The following PCDHGA9 variants were observed in gnomAD, a reference collection of about 807,000 sequenced individuals.
The protein encoded by PCDHGA9 is protocadherin gamma-A9.
In PCDHGA9, 37 loss-of-function variants were observed where a neutral mutation model predicts 62.5. The observed-to-expected ratio is 0.59, with a 90% confidence interval of 0.46 to 0.78. The LOEUF (loss-of-function observed/expected upper bound fraction) is 0.78. Ranked by LOEUF, PCDHGA9 falls within the 30% of genes least tolerant of loss-of-function variation. PCDHGA9 has a pLI of 0.00. For synonymous variants in PCDHGA9, 459 were observed against 484.6 expected (o/e 0.95, Z 0.69); for missense variants, 1,138 against 1,166.2 (o/e 0.98, Z 0.35).
In PCDHGA9 at chr5:141,423,305, A is replaced by G. The variant is rs746680027; in HGVS notation, c.2424+17929A>G. On this transcript the variant is annotated intron_variant, in intron 1 of 3. Coordinates refer to ENST00000573521, the MANE Select transcript of PCDHGA9 (RefSeq NM_018921.3). Reference sequence around the variant, plus strand: ...TCTGAAACCTCAGACCTCTCGCTGTACTTGGTGGTGGCGGTGGCCGCAGTC... The same window carrying G: ...TCTGAAACCTCAGACCTCTCGCTGTGCTTGGTGGTGGCGGTGGCCGCAGTC... 23 of 1,613,944 alleles carry G rather than the reference A, an allele frequency of 1.4e-5. No individual in the cohort carries two copies. Among genetic ancestry groups the G allele is most frequent in the Non-Finnish European group, 1.9e-5 (22 of 1,180,004 alleles).
rs1001719735 is a variant in PCDHGA9 at position 141,512,055 on chromosome 5, TGAC to T, written c.*883_*885del. 10 of 152,698 alleles carry T rather than the reference TGAC, an allele frequency of 6.5e-5. No homozygotes were observed. The highest frequency in any genetic ancestry group is 1.4e-4 in the African/African-American group (6 of 41,450). 9.5% of individuals were successfully genotyped at this position (152,698 alleles called of 1,614,324 possible). On this transcript the variant is annotated 3_prime_UTR_variant, in exon 4 of 4. Coordinates refer to ENST00000573521, the MANE Select transcript of PCDHGA9 (RefSeq NM_018921.3). ...GAGGCTCTGTATGTCCTCAGGGGACTGACAACATCCTCCAGATTCCAGCCATAA... is the reference window on the plus strand; with the variant it reads ...GAGGCTCTGTATGTCCTCAGGGGACTAACATCCTCCAGATTCCAGCCATAA...
intron 1 of PCDHGA9, among the ~76,000 whole-genome samples, chr5:141,473,246 A>G (rs1045740920): frequency 7.2e-5 from 11 of 152,224 alleles, no homozygotes; most frequent in Admixed American, 4.6e-4. Context: ...AAGTGAATAC[A>G]TATATAGTCC....
rs746242389 is a variant in PCDHGA9 at position 141,491,254 on chromosome 5, G to C, written c.2425-3553G>C. 3 of 1,614,080 alleles carry C rather than the reference G, an allele frequency of 1.9e-6. No individual in the cohort carries two copies. In the African/African-American group the frequency reaches 4.0e-5, roughly 22 times the overall value. On this transcript the variant is annotated intron_variant, in intron 1 of 3. Transcript: ENST00000573521. This position sits in a 1 kb window ranked among gnomAD's most constrained non-coding sequence, Gnocchi z 6.9. ...GCTGGTTCTGGAGGATGAGGACCCT[G>C]AGGAAATGCCCAAATCCAGTGACTT...
intron 3 of PCDHGA9, among the ~76,000 whole-genome samples, chr5:141,506,861 G>A (rs2099856791): frequency 6.6e-6 from 1 of 152,178 alleles, no homozygotes; most frequent in African/African-American, 2.4e-5. Context: ...TGGAGGACTG[G>A]TGGGTAGAGA....
In PCDHGA9 at chr5:141,404,621, G is replaced by T; in HGVS notation, c.1669G>T (p.Asp557Tyr). The part of the protein sequence containing the change: ...SLRLFVLDQN[D>Y]NAPEILYPAL... ...GAGACTGTTTGTTTTGGACCAGAAT[G>T]ACAATGCCCCAGAAATCCTGTACCC... Residue 557 changes from aspartate (D) to tyrosine (Y), a missense_variant, in exon 1 of 4, where the codon GAC becomes TAC. Transcript: ENST00000573521. 6.2e-7 allele frequency: 1 copy of T among 1,614,174 alleles called. No homozygotes were observed. Among genetic ancestry groups the T allele is most frequent in the South Asian group, 1.1e-5 (1 of 91,084 alleles).
At chr5:141,478,345 C>T (rs755421316) in intron 1 of PCDHGA9, 3 of 1,613,850 alleles carry the variant, frequency 1.9e-6, no homozygotes, top group East Asian at 4.5e-5. Context: ...CCTCCTTGCA[C>T]GCGGACGCCG....
rs758205179 is a variant in PCDHGA9 at position 141,477,813 on chromosome 5, A to G, written c.2425-16994A>G. ...ACTGATCGCAATGACAATGCCCCCC[A>G]GGTCCTATATCCTCGGCCAGGTGGG... On this transcript the variant is annotated intron_variant, in intron 1 of 3. Transcript: ENST00000573521. This position sits in a 1 kb window ranked among gnomAD's most constrained non-coding sequence, Gnocchi z 4.9. The G allele has an allele frequency of 8.1e-6, 13 of 1,614,002 alleles. No homozygotes were observed. The East Asian group carries it at 2.7e-4, about 33-fold the overall frequency.
At chr5:141,457,791 A>G (rs554446263) in intron 1 of PCDHGA9, among the ~76,000 whole-genome samples, 1 of 152,318 alleles carries the variant, frequency 6.6e-6, no homozygotes, top group South Asian at 2.1e-4. Flanking sequence ...GAGTTGGGTT[A>G]TCCTCTCCTC....
At chr5:141,423,006 T>G (rs746057587) in intron 1 of PCDHGA9, 12 of 1,614,078 alleles carry the variant, frequency 7.4e-6, no homozygotes, top group African/African-American at 1.3e-5. Context: ...CCAAGGTGGT[T>G]GCGGTGGACA....
chr5:141,430,048 A>G (rs2097258677), intron 1 of PCDHGA9, among the ~76,000 whole-genome samples: 1 of 152,222 alleles, frequency 6.6e-6, no homozygotes, highest in African/African-American at 2.4e-5. Flanking sequence ...AATGTATACA[A>G]TCACATATCA....
At chr5:141,499,726 ACT>A (rs1368224475) in intron 2 of PCDHGA9, among the ~76,000 whole-genome samples, 1 of 128,608 alleles carries the variant, frequency 7.8e-6, no homozygotes, top group African/African-American at 3.0e-5. Flanking sequence ...ACAGAGTCTC[ACT>A]CTCTTGCCCA....
In PCDHGA9 at chr5:141,476,978, C is replaced by G; in HGVS notation, c.2425-17829C>G. 1.2e-6 allele frequency: 2 copies of G among 1,614,256 alleles called. No individual in the cohort carries two copies. Among genetic ancestry groups the G allele is most frequent in the Non-Finnish European group, 1.7e-6 (2 of 1,180,058 alleles). Reference sequence around the variant, plus strand: ...TATTTACTCCTTCGGCAGCCACAACCGCGCCGGCGTGCGGCAACTATTCGC... The same window carrying G: ...TATTTACTCCTTCGGCAGCCACAACGGCGCCGGCGTGCGGCAACTATTCGC... On this transcript the variant is annotated intron_variant, in intron 1 of 3. Transcript: ENST00000573521. This position sits in a 1 kb window ranked among gnomAD's most constrained non-coding sequence, Gnocchi z 7.6.
chr5:141,489,804 G>A lies in PCDHGA9; in HGVS notation c.2425-5003G>A, dbSNP rs2099692572. 1 of 1,614,056 alleles carries A rather than the reference G, an allele frequency of 6.2e-7. No homozygotes were observed. The highest frequency in any genetic ancestry group is 1.3e-5 in the African/African-American group (1 of 74,932). ...TGAATGTGAAGACCCTAAAAGATGG[G>A]AAGCCATTCCCAGAGCTGGTGCTAG... On this transcript the variant is annotated intron_variant, in intron 1 of 3. Transcript: ENST00000573521. The surrounding 1 kb of genome is among the most constrained non-coding windows in gnomAD (Gnocchi z 4.5).
rs139608956 is a variant in PCDHGA9, at chr5:141,510,637, A to G, written c.2573-310A>G. Among the ~76,000 whole-genome samples, 4 of 152,242 alleles carry G rather than the reference A, an allele frequency of 2.6e-5. No individual in the cohort carries two copies. The East Asian group carries it at 7.7e-4, about 29-fold the overall frequency. ...ACTAAAACCAGAAGAGGTGGTTACC[A>G]TTATCATCCCCATTTTGCAGATGAG... On this transcript the variant is annotated intron_variant, in intron 3 of 3. Transcript: ENST00000573521.
chr5:141,408,540 C>A (rs201370009), intron 1 of PCDHGA9: 1 of 1,614,046 alleles, frequency 6.2e-7, no homozygotes. Flanking sequence ...GTGGAAAATC[C>A]TTTAAATATT....
At chr5:141,459,885 C>A (rs1333668105) in intron 1 of PCDHGA9, among the ~76,000 whole-genome samples, 1 of 152,106 alleles carries the variant, frequency 6.6e-6, no homozygotes, top group East Asian at 1.9e-4. Flanking sequence ...CTGAGCTGAA[C>A]GCCTTCTTAA....
intron 1 of PCDHGA9, among the ~76,000 whole-genome samples, chr5:141,447,162 G>A (rs1213550616): frequency 6.6e-6 from 1 of 151,700 alleles, no homozygotes; most frequent in African/African-American, 2.4e-5. Flanking sequence ...TTGTTTAAGC[G>A]GGGTCTTGCT....
chr5:141,442,047 G>A (rs186626119), intron 1 of PCDHGA9: 64 of 202,912 alleles, frequency 3.2e-4, no homozygotes, highest in Admixed American at 9.3e-4. Context: ...GCGCCTACTG[G>A]TCGCGGTGCA....
chr5:141,483,660 G>GTCTGTA (rs2099584988), intron 1 of PCDHGA9, among the ~76,000 whole-genome samples: 1 of 152,094 alleles, frequency 6.6e-6, no homozygotes, highest in Non-Finnish European at 1.5e-5. Context: ...GTGTGTGTGT[G>GTCTGTA]TGTGTGTGTA....
Sources: allele counts gnomAD v4.1 joint callset (sites outside exome capture counted in the v4.1 genomes callset), GRCh38; gene constraint gnomAD v4.1.1; non-coding constraint Gnocchi (gnomAD v3.1); transcripts MANE v1.5; gene names NCBI Gene and HGNC (gene_info 2026-07-23, HGNC 2026-07-21).